PTPRN2: variants seen among roughly 807,000 people sequenced by gnomAD.
PTPRN2 encodes the protein receptor-type tyrosine-protein phosphatase N2.
A neutral mutation model predicts 118.8 loss-of-function variants in PTPRN2; 74 were observed. The observed-to-expected ratio is 0.62, with a 90% CI of 0.52 to 0.76. PTPRN2 has a LOEUF of 0.76. Ranked by LOEUF, PTPRN2 falls within the 30% of genes least tolerant of loss-of-function variation. The probability of loss-of-function intolerance (pLI) is 0.00; values close to 1 mark genes in which losing one functional copy is unlikely to be tolerated. For synonymous variants in PTPRN2, 641 were observed against 608.0 expected, an observed-to-expected ratio of 1.05 and a Z score of -0.80; for missense variants, 1,481 against 1,394.4, an observed-to-expected ratio of 1.06 and a Z score of -0.99.
intron 12 of PTPRN2, among the ~76,000 whole-genome samples, chr7:157,743,452 C>T (rs1364426367): frequency 2.6e-5 from 4 of 152,182 alleles, no homozygotes; most frequent in South Asian, 2.1e-4. Flanking sequence ...GATACAGGCA[C>T]GGGATAGGCC....
At chr7:157,879,397 G>A (rs1041179493) in intron 12 of PTPRN2, among the ~76,000 whole-genome samples, 5 of 148,492 alleles carry the variant, frequency 3.4e-5, no homozygotes, top group African/African-American at 5.2e-5. Context: ...ACACACACTC[G>A]TGCACGCACA....
rs181809376 is a variant in PTPRN2 at position 158,500,088 on chromosome 7, T to C, written c.113-10303A>G. ...AAAACTTTATTTTTAAGTGATGAGATAGGAAAGAATATTGCCTTCTGCTCC... is the reference window on the plus strand; with the variant it reads ...AAAACTTTATTTTTAAGTGATGAGACAGGAAAGAATATTGCCTTCTGCTCC... On this transcript the variant is annotated intron_variant, in intron 1 of 22. Transcript: ENST00000389418. 1.3e-4 allele frequency among the ~76,000 whole-genome samples: 19 copies of C among 149,502 alleles called. No individual in the cohort carries two copies. In the East Asian group the frequency reaches 3.4e-3, roughly 26 times the overall value.
intron 2 of PTPRN2, among the ~76,000 whole-genome samples, chr7:158,489,459 T>A (rs1821271435): frequency 1.3e-5 from 2 of 152,036 alleles, no homozygotes; most frequent in Admixed American, 6.5e-5. Context: ...AAAAATTTTT[T>A]AAAAAAGGAT....
chr7:157,988,050 CT>C (rs1004070852), intron 11 of PTPRN2, among the ~76,000 whole-genome samples: 49 of 152,256 alleles, frequency 3.2e-4, no homozygotes, highest in African/African-American at 1.2e-3. Flanking sequence ...ACCACTCCCC[CT>C]TTTGTCTTCT....
At chr7:158,249,355 T>A in intron 3 of PTPRN2, among the ~76,000 whole-genome samples, 1 of 127,720 alleles carries the variant, frequency 7.8e-6, no homozygotes. Flanking sequence ...ATCACACACA[T>A]GCACACCATA....
At chr7:157,580,536 C>T (rs1585058236) in intron 17 of PTPRN2, among the ~76,000 whole-genome samples, 2 of 141,526 alleles carry the variant, frequency 1.4e-5, no homozygotes, top group Non-Finnish European at 1.5e-5. Context: ...CCTGCACACC[C>T]GAGCCGAGCC....
At chr7:158,365,946 GCAC>G (rs1171791788) in intron 2 of PTPRN2, among the ~76,000 whole-genome samples, 1 of 140,860 alleles carries the variant, frequency 7.1e-6, no homozygotes, top group African/African-American at 2.7e-5. Context: ...ACAGCCCAAT[GCAC>G]ACATGCACAT....
At chr7:158,513,336 G>C (rs188796061) in intron 1 of PTPRN2, among the ~76,000 whole-genome samples, 1 of 152,242 alleles carries the variant, frequency 6.6e-6, no homozygotes, top group Non-Finnish European at 1.5e-5. Context: ...CTGAGAAAAT[G>C]TGATAGCCAA....
At chr7:157,577,457 T>C (rs1800118283) in intron 18 of PTPRN2, among the ~76,000 whole-genome samples, 1 of 152,198 alleles carries the variant, frequency 6.6e-6, no homozygotes, top group Non-Finnish European at 1.5e-5. Flanking sequence ...ATTTAGTTCA[T>C]TCTTGATGGG....
Position 157,621,599 on chromosome 7 carries a change from C to T in PTPRN2, c.2197-90G>A, listed in dbSNP as rs537857159. 8.1e-4 allele frequency: 1,233 copies of T among 1,522,478 alleles called. 19 individuals carry two copies. The South Asian group carries it at 0.014, about 17-fold the overall frequency. The allele number at this position is 1,522,478 out of a possible 1,614,324, so 94.3% of individuals were successfully genotyped here. A position where few individuals can be genotyped will look rare whatever the true frequency, so the allele number is the denominator to read the frequency against. On this transcript the variant is annotated intron_variant, in intron 14 of 22. Transcript: ENST00000389418. ...AAGGCAGCGGAGGCCTTTGCACTCG[C>T]CGCGTGGGCCATGCCCACCTTGCTC...
At chr7:157,595,397 CAGA>C (rs1801239360) in intron 16 of PTPRN2, 82 bp from the exon 17 acceptor site, 15 of 1,348,804 alleles carry the variant, frequency 1.1e-5, no homozygotes, top group Admixed American at 9.0e-5. Context: ...GTTAGGAAGC[CAGA>C]AGGTTAGGAA....
intron 12 of PTPRN2, among the ~76,000 whole-genome samples, chr7:157,713,468 T>C (rs1016606961): frequency 2.0e-5 from 3 of 152,184 alleles, no homozygotes; most frequent in Non-Finnish European, 4.4e-5. Flanking sequence ...CTCTATCTTT[T>C]CTTTTGGATA....
chr7:158,509,452 T>C lies in PTPRN2; in HGVS notation c.113-19667A>G, dbSNP rs183718437. Among the ~76,000 whole-genome samples the C allele has an allele frequency of 1.2e-3, 182 of 152,314 alleles. No homozygotes were observed. Among genetic ancestry groups the C allele is most frequent in the Non-Finnish European group, 2.0e-3 (137 of 68,008 alleles). Reference sequence around the variant, plus strand: ...CCCTGCAGGAAAGAGCTCAGCATCCTGGCATCAAGTCTGCCATTCAGGCCA... The same window carrying C: ...CCCTGCAGGAAAGAGCTCAGCATCCCGGCATCAAGTCTGCCATTCAGGCCA... On this transcript the variant is annotated intron_variant, in intron 1 of 22. Coordinates refer to ENST00000389418, the MANE Select transcript of PTPRN2 (RefSeq NM_002847.5). This position sits in a 1 kb window ranked among gnomAD's most constrained non-coding sequence, Gnocchi z 4.4.
Position 157,974,259 on chromosome 7 carries a change from C to A in PTPRN2, c.1724-75522G>T, listed in dbSNP as rs1802564608. 1.3e-5 allele frequency among the ~76,000 whole-genome samples: 2 copies of A among 152,330 alleles called. No individual in the cohort carries two copies. The highest frequency in any genetic ancestry group is 4.8e-5 in the African/African-American group (2 of 41,588). On this transcript the variant is annotated intron_variant, in intron 11 of 22. Transcript: ENST00000389418. The surrounding 1 kb of genome is among the most constrained non-coding windows in gnomAD (Gnocchi z 4.0). ...TCTGTTTGCCTCCCACTAGCATTTT[C>A]TCATCTCCAGCACGGTGTCAATGGT... is the stretch of plus-strand genomic sequence containing the variant.
intron 11 of PTPRN2, among the ~76,000 whole-genome samples, chr7:158,039,686 G>T (rs1414231767): frequency 6.6e-6 from 1 of 152,138 alleles, no homozygotes; most frequent in Non-Finnish European, 1.5e-5. Context: ...ATCTGCCTCA[G>T]TTTCTTTTAT....
In PTPRN2 at chr7:158,003,398, A is replaced by G. The variant is rs1166103598; in HGVS notation, c.1723+77900T>C. Among the ~76,000 whole-genome samples, 3 of 138,006 alleles carry G rather than the reference A, an allele frequency of 2.2e-5. No homozygotes were observed. The Admixed American group carries it at 2.3e-4, about 10-fold the overall frequency. 90.5% of individuals were successfully genotyped at this position (138,006 alleles called of 152,430 possible). A position where few individuals can be genotyped will look rare whatever the true frequency, so the allele number is the denominator to read the frequency against. On this transcript the variant is annotated intron_variant, in intron 11 of 22. Transcript: ENST00000389418. The surrounding 1 kb of genome is among the most constrained non-coding windows in gnomAD (Gnocchi z 5.0). ...CACTGCACTCCAACCTGGGAGACAC[A>G]GCGAGACTCCGTCTCAAAAAAAAAA...
In PTPRN2 at chr7:157,578,024, A is replaced by G; in HGVS notation, c.2613T>C (p.Tyr871=). 1 of 1,610,148 alleles carries G rather than the reference A, an allele frequency of 6.2e-7. No homozygotes were observed. The highest frequency in any genetic ancestry group is 1.1e-5 in the South Asian group (1 of 90,828). The change falls in exon 18 of 23, where the codon TAT becomes TAC. Residue 871 remains tyrosine, a synonymous_variant. Transcript: ENST00000389418. ...TGGGTGGCTCTGGTCGGAGTACCTC[A>G]TAGATGTGGTAGAGATTGGAGCCTT... ...PDEGSNLYHI[Y]EVNLVSEHIW...
chr7:157,839,427 CTG>C (rs1239812962), intron 12 of PTPRN2, among the ~76,000 whole-genome samples: 7 of 149,838 alleles, frequency 4.7e-5, no homozygotes, highest in South Asian at 2.1e-4. Context: ...GTGAGAGAGA[CTG>C]TGTGTGTGTC....
At chr7:158,156,079 G>C (rs950491032) in intron 6 of PTPRN2, among the ~76,000 whole-genome samples, 7 of 152,170 alleles carry the variant, frequency 4.6e-5, no homozygotes, top group Non-Finnish European at 1.0e-4. Flanking sequence ...GAGGGGGTAA[G>C]GAATCACAGC....
Sources: allele counts gnomAD v4.1 joint callset (sites outside exome capture counted in the v4.1 genomes callset), GRCh38; gene constraint gnomAD v4.1.1; non-coding constraint Gnocchi (gnomAD v3.1); transcripts MANE v1.5; gene names NCBI Gene and HGNC (gene_info 2026-07-23, HGNC 2026-07-21).